Variants in RBFOX3 observed in about 807,000 individuals in gnomAD.
RBFOX3 encodes the protein RNA binding fox-1 homolog 3, also known as RNA binding protein fox-1 homolog 3.
In RBFOX3, 17 loss-of-function variants were observed where a neutral mutation model predicts 48.7. The observed-to-expected ratio is 0.35, with a 90% CI of 0.24 to 0.52. RBFOX3 has a LOEUF of 0.52. RBFOX3 is among the 20% of genes least tolerant of loss of function. The pLI, the probability that RBFOX3 is intolerant of heterozygous loss-of-function variation, is 0.94. For missense variants in RBFOX3, 382 were observed against 497.5 expected (o/e 0.77, Z 2.21); for synonymous variants, 212 against 209.5 (o/e 1.01, Z -0.10).
chr17:79,154,627 C>T (rs2045357417), intron 4 of RBFOX3, among the ~76,000 whole-genome samples: 1 of 152,188 alleles, frequency 6.6e-6, no homozygotes, highest in African/African-American at 2.4e-5. Context: ...CCAGGACGAG[C>T]CAGTATTTGG....
At chr17:79,371,758 C>A (rs1344707450) in intron 2 of RBFOX3, among the ~76,000 whole-genome samples, 2 of 152,152 alleles carry the variant, frequency 1.3e-5, no homozygotes, top group African/African-American at 2.4e-5. Context: ...GTGGGAGGGA[C>A]TGGGGCTTGG....
At chr17:79,583,916 G>A (rs985620574) in intron 1 of RBFOX3, among the ~76,000 whole-genome samples, 1 of 152,136 alleles carries the variant, frequency 6.6e-6, no homozygotes, top group Non-Finnish European at 1.5e-5. Flanking sequence ...GGAAAGGTGT[G>A]GGGGTGCCTA....
At position 79,195,021 on chromosome 17, in the gene RBFOX3, G is replaced by A. The variant is rs567884804; in HGVS notation, c.-34+40745C>T. 6.6e-5 allele frequency among the ~76,000 whole-genome samples: 10 copies of A among 152,154 alleles called. No individual in the cohort carries two copies. Among genetic ancestry groups the A allele is most frequent in the African/African-American group, 2.4e-4 (10 of 41,502 alleles). ...GCTCTGGTCTAGAACATGGGCAGAT[G>A]TCTTTCCGCTCAGCCCCACCGACAT... On this transcript the variant is annotated intron_variant, in intron 4 of 14. Coordinates refer to ENST00000693108, the MANE Select transcript of RBFOX3 (RefSeq NM_001350451.2). This position sits in a 1 kb window ranked among gnomAD's most constrained non-coding sequence, Gnocchi z 5.3.
At chr17:79,538,352 G>GGA (rs1396134109) in intron 1 of RBFOX3, among the ~76,000 whole-genome samples, 1 of 152,202 alleles carries the variant, frequency 6.6e-6, no homozygotes, top group Admixed American at 6.5e-5. Flanking sequence ...TGGCTACAGT[G>GGA]GAGAGAGAGA....
chr17:79,112,920 T>TGGGGG (rs1568152586), intron 5 of RBFOX3, among the ~76,000 whole-genome samples: 11 of 29,520 alleles, frequency 3.7e-4, no homozygotes, highest in Admixed American at 7.3e-4. Flanking sequence ...GGGGGTGGGC[T>TGGGGG]GGGTAGGACT....
Position 79,249,012 on chromosome 17 carries a change from T to C in RBFOX3, c.-73-13207A>G, listed in dbSNP as rs2063557052. 6.6e-6 allele frequency among the ~76,000 whole-genome samples: 1 copy of C among 152,182 alleles called. No homozygotes were observed. The highest frequency in any genetic ancestry group is 1.5e-5 in the Non-Finnish European group (1 of 68,018). On this transcript the variant is annotated intron_variant, in intron 3 of 14. Transcript: ENST00000693108. This position sits in a 1 kb window ranked among gnomAD's most constrained non-coding sequence, Gnocchi z 4.1. ...TGAGCTGGGACCTGCCTCCATCGGC[T>C]GGGATGCGGTGCGGTCTTCCGCCAG...
chr17:79,133,453 C>T (rs751812911), intron 4 of RBFOX3, among the ~76,000 whole-genome samples: 1 of 152,166 alleles, frequency 6.6e-6, no homozygotes, highest in Non-Finnish European at 1.5e-5. Flanking sequence ...TGGTGAAAAA[C>T]ACCACCCCAT....
rs1413291717 is a variant in RBFOX3, at chr17:79,480,379, C to T, written c.-175+2075G>A. Reference sequence around the variant, plus strand: ...CAGGGATAGAGTGCGACAGTGGGCTCGCTCGTCAGCTGTCCCTTGCTTCCA... The same window carrying T: ...CAGGGATAGAGTGCGACAGTGGGCTTGCTCGTCAGCTGTCCCTTGCTTCCA... On this transcript the variant is annotated intron_variant, in intron 2 of 14. Transcript: ENST00000693108. This position sits in a 1 kb window ranked among gnomAD's most constrained non-coding sequence, Gnocchi z 4.8. Among the ~76,000 whole-genome samples the T allele has an allele frequency of 5.9e-5, 9 of 152,142 alleles. No individual in the cohort carries two copies. Among genetic ancestry groups the T allele is most frequent in the Non-Finnish European group, 1.0e-4 (7 of 68,020 alleles).
At chr17:79,110,300 G>A (rs1531356) in intron 5 of RBFOX3, among the ~76,000 whole-genome samples, 27,333 of 151,984 alleles carry the variant, frequency 0.18, 2,584 homozygotes, top group East Asian at 0.24. Context: ...ACTCAAGTTC[G>A]GGGTGGGGGT....
chr17:79,557,379 A>G (rs2091858480), intron 1 of RBFOX3, among the ~76,000 whole-genome samples: 1 of 90,060 alleles, frequency 1.1e-5, no homozygotes, highest in South Asian at 3.9e-4. Context: ...CCACCCAGCC[A>G]TGGAGAAGCC....
At chr17:79,488,641 C>T (rs1316323380) in intron 1 of RBFOX3, among the ~76,000 whole-genome samples, 1 of 152,224 alleles carries the variant, frequency 6.6e-6, no homozygotes, top group African/African-American at 2.4e-5. Context: ...TCCGCATCAA[C>T]TCACAGGAAG....
At chr17:79,616,443 G>A in the RBFOX3 span, among the ~76,000 whole-genome samples, 1 of 151,834 alleles carries the variant, frequency 6.6e-6, no homozygotes, top group South Asian at 2.1e-4. Context: ...GGCTGAGGCA[G>A]GAGAGTCACT....
At chr17:79,528,251 T>C (rs979534503) in intron 1 of RBFOX3, among the ~76,000 whole-genome samples, 1 of 148,578 alleles carries the variant, frequency 6.7e-6, no homozygotes, top group Non-Finnish European at 1.5e-5. Flanking sequence ...TAGTTGAAAC[T>C]CTGAGGTACC....
chr17:79,347,428 T>C (rs1438554427), intron 2 of RBFOX3, among the ~76,000 whole-genome samples: 4 of 152,168 alleles, frequency 2.6e-5, no homozygotes, highest in Non-Finnish European at 5.9e-5. Flanking sequence ...TCTTCATATA[T>C]GTCCTCTTCT....
chr17:79,436,629 C>A (rs1555731287), intron 2 of RBFOX3, among the ~76,000 whole-genome samples: 2 of 152,102 alleles, frequency 1.3e-5, no homozygotes, highest in Non-Finnish European at 2.9e-5. Flanking sequence ...CCTGGAGGGA[C>A]CAGATGATTA....
intron 2 of RBFOX3, among the ~76,000 whole-genome samples, chr17:79,347,591 A>G (rs11651302): frequency 0.13 from 20,086 of 152,098 alleles, 1,890 homozygotes; most frequent in Non-Finnish European, 0.2. Flanking sequence ...TGATACATCA[A>G]GCTGGTCCTC....
intron 3 of RBFOX3, among the ~76,000 whole-genome samples, chr17:79,298,687 A>C (rs1461148915): frequency 6.6e-6 from 1 of 152,174 alleles, no homozygotes; most frequent in African/African-American, 2.4e-5. Context: ...CTGAGATCCG[A>C]GGGTCATCTC....
chr17:79,582,312 G>C (rs1045272016), intron 1 of RBFOX3, among the ~76,000 whole-genome samples: 1 of 151,344 alleles, frequency 6.6e-6, no homozygotes, highest in Non-Finnish European at 1.5e-5. Context: ...GCCTATGCCT[G>C]TGTGTGTGTG....
At chr17:79,095,781 G>A (rs2075110884) in intron 12 of RBFOX3, among the ~76,000 whole-genome samples, 1 of 152,234 alleles carries the variant, frequency 6.6e-6, no homozygotes, top group African/African-American at 2.4e-5. Context: ...ACCGAGGACT[G>A]CAGATGGCTA....
Sources: allele counts gnomAD v4.1 joint callset (sites outside exome capture counted in the v4.1 genomes callset), GRCh38; gene constraint gnomAD v4.1.1; non-coding constraint Gnocchi (gnomAD v3.1); transcripts MANE v1.5; gene names NCBI Gene and HGNC (gene_info 2026-07-23, HGNC 2026-07-21).